ANXA7: variants seen among roughly 807,000 people sequenced by gnomAD.
ANXA7 encodes the protein annexin A7.
A neutral mutation model predicts 64.9 loss-of-function variants in ANXA7; 55 were observed. The ratio of observed to expected loss-of-function variants is 0.85; its 90% CI spans 0.68 to 1.06. ANXA7 has a LOEUF of 1.06. Ranked by LOEUF, ANXA7 falls within the 50% of genes least tolerant of loss-of-function variation. The pLI is 0.00. For missense variants in ANXA7, 548 were observed against 582.1 expected, an observed-to-expected ratio of 0.94 and a Z score of 0.60; for synonymous variants, 200 against 192.4, an observed-to-expected ratio of 1.04 and a Z score of -0.33.
intron 12 of ANXA7, among the ~76,000 whole-genome samples, chr10:73,378,414 T>G (rs1363749834): frequency 6.6e-6 from 1 of 151,494 alleles, no homozygotes; most frequent in Non-Finnish European, 1.5e-5. Flanking sequence ...CAAATGTCAT[T>G]TCTTCTGAGA....
In ANXA7 at chr10:73,375,742, G is replaced by A. The variant is rs529716573; in HGVS notation, c.*353C>T. 6.3e-6 allele frequency: 1 copy of A among 158,600 alleles called. No homozygotes were observed. Among genetic ancestry groups the A allele is most frequent in the East Asian group, 1.8e-4 (1 of 5,496 alleles). The allele number at this position is 158,600 out of a possible 1,614,324, so 9.8% of individuals were successfully genotyped here. A position where few individuals can be genotyped will look rare whatever the true frequency, so the allele number is the denominator to read the frequency against. On this transcript the variant is annotated 3_prime_UTR_variant, in exon 13 of 13. Transcript: ENST00000372921. Reference sequence around the variant, plus strand: ...GGGATTCCGGAAGGCAGAGCTTTCAGTAACCTTCTAAAAAATTATTCAATA... The same window carrying A: ...GGGATTCCGGAAGGCAGAGCTTTCAATAACCTTCTAAAAAATTATTCAATA...
intron 5 of ANXA7, among the ~76,000 whole-genome samples, chr10:73,393,832 T>A (rs1182684062): frequency 6.6e-6 from 1 of 152,114 alleles, no homozygotes; most frequent in Non-Finnish European, 1.5e-5. Flanking sequence ...CCAAAAGCAA[T>A]GGCAACAAAA....
chr10:73,396,700 A>G (rs2055582026), intron 4 of ANXA7, 117 bp from the exon 5 acceptor site: 5 of 595,798 alleles, frequency 8.4e-6, no homozygotes, highest in Non-Finnish European at 1.4e-5. Flanking sequence ...ACACTATGAT[A>G]CTTATGAGGA....
chr10:73,387,767 T>G lies in ANXA7; in HGVS notation c.555A>C (p.Ala185=). 1 of 1,612,306 alleles carries G rather than the reference T, an allele frequency of 6.2e-7. No homozygotes were observed. Among genetic ancestry groups the G allele is most frequent in the Non-Finnish European group, 8.5e-7 (1 of 1,179,806 alleles). Residue 185 remains alanine (A), a synonymous_variant, in exon 7 of 13, where the codon GCA becomes GCC. Transcript: ENST00000372921. ...AMKGFGTDEQ[A]IVDVVANRSN... ...AACGGTTGGCCACCACATCCACAAT[T>G]GCCTGCTCATCTGTCCCTGGAAGAA...
At chr10:73,407,263 G>A (rs2055772359) in intron 1 of ANXA7, among the ~76,000 whole-genome samples, 1 of 152,032 alleles carries the variant, frequency 6.6e-6, no homozygotes, top group Admixed American at 6.6e-5. Flanking sequence ...TTTTAATGGA[G>A]ACGGAGTTTC....
At chr10:73,390,720 AAAAAT>A (rs1564526495) in intron 5 of ANXA7, among the ~76,000 whole-genome samples, 42 of 112,596 alleles carry the variant, frequency 3.7e-4, no homozygotes, top group African/African-American at 1.7e-3. Context: ...ATATATATAT[AAAAAT>A]ATATATATAC....
At chr10:73,397,475 T>A (rs914636702) in intron 3 of ANXA7, among the ~76,000 whole-genome samples, 10 of 152,216 alleles carry the variant, frequency 6.6e-5, no homozygotes. Flanking sequence ...TTATTTATTT[T>A]TTGAGACAGT....
At chr10:73,408,377 C>T (rs1045881881) in intron 1 of ANXA7, 10 of 149,230 alleles carry the variant, frequency 6.7e-5, no homozygotes, top group African/African-American at 2.5e-4. Context: ...GCAAAAGGGT[C>T]AGGGTCAAAA....
intron 12 of ANXA7, among the ~76,000 whole-genome samples, chr10:73,377,773 G>GGGGGGGGTGTGTGTGTGT (rs1554815379): frequency 4.8e-5 from 6 of 124,822 alleles, no homozygotes; most frequent in African/African-American, 1.9e-4. Context: ...GGTGGGTGTG[G>GGGGGGGGTGTGTGTGTGT]GTGTGTGTGT....
At chr10:73,397,893 T>G (rs1380252660) in intron 3 of ANXA7, among the ~76,000 whole-genome samples, 1 of 152,228 alleles carries the variant, frequency 6.6e-6, no homozygotes, top group South Asian at 2.1e-4. Context: ...TGAAATGTCT[T>G]AATCAGGTCT....
intron 2 of ANXA7, 73 bp downstream of exon 2, chr10:73,400,730 G>T: frequency 8.1e-7 from 1 of 1,237,924 alleles, no homozygotes; most frequent in Non-Finnish European, 1.1e-6. Flanking sequence ...AAGCATATCT[G>T]TAAGATCTGA....
At chr10:73,405,831 CTGTATG>C (rs2055748046) in intron 1 of ANXA7, among the ~76,000 whole-genome samples, 1 of 152,174 alleles carries the variant, frequency 6.6e-6, no homozygotes, top group Non-Finnish European at 1.5e-5. Context: ...AGGAGGCTTT[CTGTATG>C]TGTATAATAA....
chr10:73,380,534 A>G (rs1173280480), intron 9 of ANXA7, among the ~76,000 whole-genome samples: 2 of 152,014 alleles, frequency 1.3e-5, no homozygotes, highest in East Asian at 3.9e-4. Context: ...TTAGCCTCCT[A>G]AAGTGCTGGG....
Position 73,398,228 on chromosome 10 carries a change from C to T in ANXA7, c.212G>A (p.Gly71Asp), listed in dbSNP as rs142337970. The change falls in exon 3 of 13, where the codon GGC (glycine) becomes GAC (aspartate). Residue 71 changes from glycine to aspartate, a missense_variant. Gly to Asp is a moderately conservative substitution (Grantham distance 94). Coordinates refer to ENST00000372921, the MANE Select transcript of ANXA7 (RefSeq NM_001156.5). ...PAPGGYPAPGGYPGAPQPGGA... is the reference protein window; with the variant it reads ...PAPGGYPAPGDYPGAPQPGGA... ...CCCTGGCTGTGGGGCACCAGGATAG[C>T]CTCCAGGGGCTGGATAACCTCCAGG... is the stretch of plus-strand genomic sequence containing the variant. 1.9e-6 allele frequency: 3 copies of T among 1,613,922 alleles called. No homozygotes were observed. Among genetic ancestry groups the T allele is most frequent in the Admixed American group, 1.7e-5 (1 of 60,020 alleles).
rs1180652566 is a variant in ANXA7, at chr10:73,402,335, GACCACAGGTGCGT to G, written c.-1-1491_-1-1479del. Among the ~76,000 whole-genome samples, 4 of 151,934 alleles carry G rather than the reference GACCACAGGTGCGT, an allele frequency of 2.6e-5. No homozygotes were observed. The East Asian group carries it at 7.8e-4, about 30-fold the overall frequency. ...CCCCCCCTCCCCACCCCGTAGCTGG[GACCACAGGTGCGT>G]ACCACCATGCCTGGTGAATTTTTGT... On this transcript the variant is annotated intron_variant, in intron 1 of 12. Transcript: ENST00000372921.
At chr10:73,378,444 G>A (rs996954643) in intron 12 of ANXA7, among the ~76,000 whole-genome samples, 2 of 150,946 alleles carry the variant, frequency 1.3e-5, no homozygotes, top group Non-Finnish European at 2.9e-5. Context: ...TTTTGTAAGT[G>A]GAGTAAATAT....
intron 11 of ANXA7, among the ~76,000 whole-genome samples, chr10:73,379,307 G>A (rs1170688893): frequency 2.6e-5 from 4 of 152,178 alleles, no homozygotes; most frequent in Admixed American, 6.5e-5. Flanking sequence ...GGGACTACAA[G>A]TGTGAGCTAC....
intron 1 of ANXA7, among the ~76,000 whole-genome samples, chr10:73,403,424 G>A (rs577649549): frequency 4.6e-5 from 7 of 152,190 alleles, no homozygotes; most frequent in African/African-American, 1.2e-4. Flanking sequence ...AGACTTCAAG[G>A]CTGCAGTGAG....
chr10:73,397,258 T>G lies in ANXA7; in HGVS notation c.276A>C (p.Gly92=). Residue 92 remains glycine (G), a synonymous_variant, in exon 4 of 13, where the codon GGA becomes GGC. Coordinates refer to ENST00000372921, the MANE Select transcript of ANXA7 (RefSeq NM_001156.5). ...CTGCTCCACCTGGTGGGACTCCAAA[T>G]CCTTGGCCTGGAGGAACTAGAGAAA... ...PSYPGVPPGQ[G]FGVPPGGAGF... 1 of 1,611,942 alleles carries G rather than the reference T, an allele frequency of 6.2e-7. No homozygotes were observed. Among genetic ancestry groups the G allele is most frequent in the Non-Finnish European group, 8.5e-7 (1 of 1,178,676 alleles).
Sources: gnomAD v4.1 joint callset for allele counts (sites outside exome capture counted in the v4.1 genomes callset) on GRCh38, gnomAD v4.1.1 for gene constraint, MANE v1.5 for transcripts, NCBI Gene and HGNC (gene_info 2026-07-23, HGNC 2026-07-21) for gene names.